Variants in ANKHD1 observed in about 807,000 individuals in gnomAD.
ANKHD1 encodes the protein ankyrin repeat and KH domain-containing protein 1.
A neutral mutation model predicts 230.5 loss-of-function variants in ANKHD1; 31 were observed. That is an observed-to-expected ratio of 0.13 (90% CI 0.10 to 0.18). The LOEUF is 0.18. Among genes scored for constraint, ANKHD1 ranks in the 10% least tolerant of loss-of-function variants. The pLI, the probability that ANKHD1 is intolerant of heterozygous loss-of-function variation, is 1.00. For missense variants in ANKHD1, 2,256 were observed against 3,071.3 expected (o/e 0.73, Z 6.27); for synonymous variants, 1,074 against 1,117.6 (o/e 0.96, Z 0.78).
chr5:140,532,914 TG>T (rs1406460616), intron 29 of ANKHD1: 2 of 310,420 alleles, frequency 6.4e-6, no homozygotes, highest in Admixed American at 4.5e-5. Flanking sequence ...CTGGCCAACA[TG>T]GGGAAACCCC....
chr5:140,531,649 G>A (rs550833021), intron 29 of ANKHD1, among the ~76,000 whole-genome samples: 1 of 152,184 alleles, frequency 6.6e-6, no homozygotes, highest in East Asian at 1.9e-4. Flanking sequence ...ATCATACATG[G>A]TAGGTAGGAA....
rs915109429 is a variant in ANKHD1, at chr5:140,526,952, T to C, written c.4965T>C (p.Asn1655=). Residue 1655 remains asparagine (N), a synonymous_variant, in exon 27 of 34, where the codon AAT becomes AAC. Transcript: ENST00000360839. ...GACTTGAAGGTGAAGTGACTCCTAA[T>C]TCCTTGTCAACCAGCTACAAGACAG... The part of the protein sequence containing the change: ...QTRLEGEVTP[N]SLSTSYKTVS... 2.5e-6 allele frequency: 4 copies of C among 1,612,868 alleles called. No individual in the cohort carries two copies. In the African/African-American group the frequency reaches 5.3e-5, roughly 22 times the overall value.
chr5:140,469,971 T>C (rs1471931857), intron 10 of ANKHD1, among the ~76,000 whole-genome samples: 2 of 151,920 alleles, frequency 1.3e-5, no homozygotes, highest in Non-Finnish European at 2.9e-5. Flanking sequence ...ATTCTCCCCC[T>C]CAAAAAAGGA....
intron 10 of ANKHD1, among the ~76,000 whole-genome samples, chr5:140,477,239 A>G (rs1454709415): frequency 6.6e-6 from 1 of 152,226 alleles, no homozygotes; most frequent in Non-Finnish European, 1.5e-5. Flanking sequence ...GTAACTAACA[A>G]TCTACCATCC....
At chr5:140,499,589 A>AATTAT (rs1752186207) in intron 15 of ANKHD1, among the ~76,000 whole-genome samples, 4 of 152,122 alleles carry the variant, frequency 2.6e-5, no homozygotes, top group Non-Finnish European at 5.9e-5. Flanking sequence ...TTGTTTATAT[A>AATTAT]ATTTATTAAT....
In ANKHD1 at chr5:140,476,422, T is replaced by C. The variant is rs545726703; in HGVS notation, c.1783-6158T>C. ...CAGAACAGATGAAACTGTGGAACTT[T>C]AAGGATAATGAAAAATGTCTTAAAA... On this transcript the variant is annotated intron_variant, in intron 10 of 33. Coordinates refer to ENST00000360839, the MANE Select transcript of ANKHD1 (RefSeq NM_017747.3). 7.9e-5 allele frequency among the ~76,000 whole-genome samples: 12 copies of C among 152,138 alleles called. No individual in the cohort carries two copies. The South Asian group carries it at 2.3e-3, about 29-fold the overall frequency.
intron 11 of ANKHD1, among the ~76,000 whole-genome samples, chr5:140,483,446 T>G (rs967324767): frequency 2.0e-5 from 3 of 149,798 alleles, no homozygotes; most frequent in Admixed American, 6.7e-5. Flanking sequence ...CAGGGTAAGA[T>G]TTTATCTTTT....
In ANKHD1 at chr5:140,527,963, T is replaced by C. The variant is rs768580110; in HGVS notation, c.5178T>C (p.Gly1726=). Residue 1726 remains glycine, a synonymous_variant, in exon 28 of 34, where the codon GGT becomes GGC. Coordinates refer to ENST00000360839, the MANE Select transcript of ANKHD1 (RefSeq NM_017747.3). The surrounding 1 kb of genome is among the most constrained non-coding windows in gnomAD (Gnocchi z 4.5). ...TCACTGCAATACAGGATGTTACTGG[T>C]GCCCATATTGATGTGGATAAACAAA... ...CNITAIQDVT[G]AHIDVDKQKD... The C allele has an allele frequency of 6.2e-7, 1 of 1,613,964 alleles. No homozygotes were observed. Among genetic ancestry groups the C allele is most frequent in the South Asian group, 1.1e-5 (1 of 91,072 alleles).
At chr5:140,515,106 C>T (rs907996789) in intron 24 of ANKHD1, among the ~76,000 whole-genome samples, 1 of 151,924 alleles carries the variant, frequency 6.6e-6, no homozygotes, top group African/African-American at 2.4e-5. Flanking sequence ...GGAGAAACCC[C>T]GTCTCTGCTA....
rs750652201 is a variant in ANKHD1 at position 140,449,324 on chromosome 5, C to A, written c.1242+19C>A. 5 of 1,607,940 alleles carry A rather than the reference C, an allele frequency of 3.1e-6. No individual in the cohort carries two copies. Among genetic ancestry groups the A allele is most frequent in the Admixed American group, 1.7e-5 (1 of 59,482 alleles). On this transcript the variant is annotated intron_variant, in intron 7 of 33. Transcript: ENST00000360839. Reference sequence around the variant, plus strand: ...CTGCATGGTAATTTTAAATTACACTCACTTGAGATTTTATGGGAAGAAAAG... The same window carrying A: ...CTGCATGGTAATTTTAAATTACACTAACTTGAGATTTTATGGGAAGAAAAG...
intron 6 of ANKHD1, among the ~76,000 whole-genome samples, chr5:140,448,861 G>A (rs545341919): frequency 3.2e-4 from 48 of 152,116 alleles, no homozygotes; most frequent in Non-Finnish European, 6.5e-4. Flanking sequence ...CTGTTTTTCT[G>A]GAATATATGA....
chr5:140,431,306 G>A (rs1773026897), intron 1 of ANKHD1, among the ~76,000 whole-genome samples: 1 of 152,038 alleles, frequency 6.6e-6, no homozygotes, highest in Admixed American at 6.6e-5. Context: ...TATCATATGG[G>A]TCAGATATTA....
intron 8 of ANKHD1, 52 bp from the exon 9 acceptor site, chr5:140,459,112 C>A (rs900452363): frequency 2.0e-5 from 28 of 1,382,072 alleles, no homozygotes; most frequent in African/African-American, 1.6e-4. Flanking sequence ...AAATTAATAT[C>A]TTTATTATAA....
chr5:140,475,350 A>G (rs749917970), intron 10 of ANKHD1, among the ~76,000 whole-genome samples: 1 of 152,196 alleles, frequency 6.6e-6, no homozygotes, highest in Non-Finnish European at 1.5e-5. Flanking sequence ...CTGAGATTTC[A>G]GCATGTGCAG....
At chr5:140,519,334 G>A (rs1197947377) in intron 24 of ANKHD1, among the ~76,000 whole-genome samples, 5 of 152,178 alleles carry the variant, frequency 3.3e-5, no homozygotes, top group East Asian at 1.9e-4. Context: ...AATCAGTATC[G>A]TGAAAATGGC....
chr5:140,446,942 T>G (rs2126935699), intron 6 of ANKHD1, among the ~76,000 whole-genome samples: 1 of 152,066 alleles, frequency 6.6e-6, no homozygotes, highest in East Asian at 1.9e-4. Flanking sequence ...GGAGTTTCAC[T>G]CTTGTTGCCC....
intron 11 of ANKHD1, among the ~76,000 whole-genome samples, chr5:140,483,934 T>TA (rs1751398411): frequency 1.3e-5 from 2 of 152,194 alleles, no homozygotes; most frequent in African/African-American, 4.8e-5. Context: ...GGAGTTCTCT[T>TA]ATGTTTCTTT....
At chr5:140,535,246 CT>C in intron 29 of ANKHD1, 115 bp from the exon 30 acceptor site, 1 of 1,443,832 alleles carries the variant, frequency 6.9e-7, no homozygotes, top group Non-Finnish European at 9.2e-7. Flanking sequence ...CACATGCTAT[CT>C]TTTATTTATT....
chr5:140,458,868 G>C lies in ANKHD1; in HGVS notation c.1480+6G>C, dbSNP rs1276801937. The C allele has an allele frequency of 2.5e-6, 4 of 1,593,204 alleles. No homozygotes were observed. In the East Asian group the frequency reaches 6.8e-5, roughly 27 times the overall value. On this transcript the variant is annotated splice_donor_region_variant and intron_variant, in intron 8 of 33. Transcript: ENST00000360839. ...GGCACTACTCTTAGCACAAGGTAAA[G>C]CAGTTTTACTTCTTTTAGAAAAATC...
Sources: allele counts gnomAD v4.1 joint callset (sites outside exome capture counted in the v4.1 genomes callset), GRCh38; gene constraint gnomAD v4.1.1; non-coding constraint Gnocchi (gnomAD v3.1); transcripts MANE v1.5; gene names NCBI Gene and HGNC (gene_info 2026-07-23, HGNC 2026-07-21).